Variants in RCBTB2 observed in about 807,000 individuals in gnomAD.
RCBTB2 encodes the protein RCC1 and BTB domain containing protein 2.
In RCBTB2, 55 loss-of-function variants were observed where a neutral mutation model predicts 65.4. The ratio of observed to expected loss-of-function variants is 0.84; its 90% CI spans 0.68 to 1.05. The LOEUF is 1.05. RCBTB2 is among the 50% of genes least tolerant of loss of function. The pLI is 0.00. For missense variants in RCBTB2, 599 were observed against 680.1 expected (o/e 0.88, Z 1.33); for synonymous variants, 220 against 255.2 (o/e 0.86, Z 1.31).
chr13:48,515,581 A>G lies in RCBTB2; in HGVS notation c.198+5T>C, dbSNP rs1418186359. 1 of 1,583,704 alleles carries G rather than the reference A, an allele frequency of 6.3e-7. No individual in the cohort carries two copies. Among genetic ancestry groups the G allele is most frequent in the African/African-American group, 1.4e-5 (1 of 73,208 alleles). ...GAGTAGCTGATTTATTTTCTTCAAA[A>G]TTACCTCATCATTTACTGTAGTGTA... On this transcript the variant is annotated splice_donor_5th_base_variant and intron_variant, in intron 5 of 14. Transcript: ENST00000344532.
At chr13:48,514,714 T>C (rs1205816025) in intron 6 of RCBTB2, among the ~76,000 whole-genome samples, 17 of 152,200 alleles carry the variant, frequency 1.1e-4, no homozygotes, top group Admixed American at 1.1e-3. Context: ...GGTTACAACC[T>C]TTTGGGGAGA....
chr13:48,501,816 G>A lies in RCBTB2; in HGVS notation c.1170C>T (p.Asn390=), dbSNP rs1950249050. The A allele has an allele frequency of 8.7e-6, 14 of 1,613,548 alleles. No homozygotes were observed. The highest frequency in any genetic ancestry group is 1.6e-4 in the Middle Eastern group (1 of 6,084). ...GAAACTTCAGGTCTGCAGTGTCCGG[G>A]TTGTCAAATTCCCTCTTCAGTGACT... ...VAESLKREFD[N]PDTADLKFLV... Residue 390 remains asparagine (N), a synonymous_variant, in exon 12 of 15, where the codon AAC becomes AAT. Transcript: ENST00000344532.
chr13:48,504,257 A>G, intron 10 of RCBTB2: 1 of 985,378 alleles, frequency 1.0e-6, no homozygotes, highest in Non-Finnish European at 1.2e-6. Flanking sequence ...TCCTCTTGGA[A>G]CACCGTTCTC....
At chr13:48,526,086 G>A (rs1296251635) in intron 1 of RCBTB2, among the ~76,000 whole-genome samples, 1 of 152,128 alleles carries the variant, frequency 6.6e-6, no homozygotes, top group Admixed American at 6.5e-5. Context: ...ATCATCTCAG[G>A]ATGGAGAGAT....
At chr13:48,529,889 A>ATATT (rs1201923008) in intron 1 of RCBTB2, among the ~76,000 whole-genome samples, 1 of 151,960 alleles carries the variant, frequency 6.6e-6, no homozygotes, top group African/African-American at 2.4e-5. Context: ...ATCTGTAGCA[A>ATATT]TATTTATTTA....
chr13:48,493,324 CTCTCT>C, intron 14 of RCBTB2, among the ~76,000 whole-genome samples: 1 of 125,712 alleles, frequency 8.0e-6, no homozygotes, highest in African/African-American at 4.2e-5. Context: ...CACTCTCTCT[CTCTCT>C]CTCTCTCTCT....
intron 14 of RCBTB2, among the ~76,000 whole-genome samples, chr13:48,493,315 A>ACTCTCTCCCTCTCTCTCTCTCTCTCT (rs1555297880): frequency 1.3e-5 from 1 of 75,028 alleles, no homozygotes; most frequent in Non-Finnish European, 2.5e-5. Context: ...ACACACACAC[A>ACTCTCTCCCTCTCTCTCTCTCTCTCT]CTCTCTCTCT....
At chr13:48,529,206 T>C (rs1033334942) in intron 1 of RCBTB2, among the ~76,000 whole-genome samples, 1 of 152,222 alleles carries the variant, frequency 6.6e-6, no homozygotes, top group African/African-American at 2.4e-5. Flanking sequence ...ATCTCATTTG[T>C]AAATCCATTT....
chr13:48,502,135 A>T (rs1378078308), intron 11 of RCBTB2, among the ~76,000 whole-genome samples: 1 of 151,992 alleles, frequency 6.6e-6, no homozygotes, highest in Admixed American at 6.5e-5. Context: ...TGAAATTTTA[A>T]ACATTTGAGT....
At chr13:48,513,857 C>A (rs534347883) in intron 6 of RCBTB2, among the ~76,000 whole-genome samples, 4 of 152,298 alleles carry the variant, frequency 2.6e-5, no homozygotes, top group African/African-American at 9.6e-5. Context: ...AGCAAGCCCC[C>A]CTTATCTGCA....
chr13:48,498,339 T>C (rs1470980875), intron 13 of RCBTB2, among the ~76,000 whole-genome samples: 1 of 152,238 alleles, frequency 6.6e-6, no homozygotes, highest in Non-Finnish European at 1.5e-5. Flanking sequence ...GTTCACTAGC[T>C]TGACATATAA....
intron 6 of RCBTB2, among the ~76,000 whole-genome samples, chr13:48,513,400 T>C (rs1314592281): frequency 6.6e-6 from 1 of 152,218 alleles, no homozygotes; most frequent in East Asian, 1.9e-4. Context: ...TATAACCTTA[T>C]AATCACCCCC....
intron 4 of RCBTB2, among the ~76,000 whole-genome samples, chr13:48,516,649 C>A (rs1278408943): frequency 6.6e-6 from 1 of 152,258 alleles, no homozygotes; most frequent in East Asian, 1.9e-4. Context: ...CTGCATTGAC[C>A]CCATTTCCAA....
rs1376786557 is a variant in RCBTB2, at chr13:48,525,438, A to G, written c.-218-681T>C. Among the ~76,000 whole-genome samples, 7 of 145,122 alleles carry G rather than the reference A, an allele frequency of 4.8e-5. No individual in the cohort carries two copies. The South Asian group carries it at 1.3e-3, about 27-fold the overall frequency. Reference sequence around the variant, plus strand: ...TATATATTCAGTTATATATGTATATATAACTGAAATTTCACAAAATAATTC... The same window carrying G: ...TATATATTCAGTTATATATGTATATGTAACTGAAATTTCACAAAATAATTC... On this transcript the variant is annotated intron_variant, in intron 1 of 14. Transcript: ENST00000344532.
rs1231668278 is a variant in RCBTB2, at chr13:48,489,651, T to C, written c.*460A>G. 1 of 156,452 alleles carries C rather than the reference T, an allele frequency of 6.4e-6. No individual in the cohort carries two copies. Among genetic ancestry groups the C allele is most frequent in the African/African-American group, 2.4e-5 (1 of 41,482 alleles). The allele number at this position is 156,452 out of a possible 1,614,324, so 9.7% of individuals were successfully genotyped here. On this transcript the variant is annotated 3_prime_UTR_variant, in exon 15 of 15. Transcript: ENST00000344532. ...CAGTATTCCATGACTAAAGCTGTTC[T>C]CAGGACATACTGAAGATTTATAATA...
chr13:48,493,298 C>T (rs1389050296), intron 14 of RCBTB2, among the ~76,000 whole-genome samples: 1 of 78,706 alleles, frequency 1.3e-5, no homozygotes, highest in Non-Finnish European at 2.5e-5. Flanking sequence ...TCCACACACA[C>T]ACACACACAC....
intron 6 of RCBTB2, 79 bp downstream of exon 6, chr13:48,515,126 C>A: frequency 7.7e-7 from 1 of 1,293,146 alleles, no homozygotes; most frequent in Non-Finnish European, 1.1e-6. Context: ...GAAGAGCTAG[C>A]AACTCTCAAC....
intron 1 of RCBTB2, among the ~76,000 whole-genome samples, chr13:48,531,176 C>T (rs1295996169): frequency 6.6e-6 from 1 of 152,156 alleles, no homozygotes; most frequent in Non-Finnish European, 1.5e-5. Context: ...ATCTTTGTCT[C>T]TTTTGTTCAT....
rs140643232 is a variant in RCBTB2, at chr13:48,502,779, G to C, written c.1062C>G (p.Asp354Glu). The change falls in exon 11 of 15, where the codon GAC (aspartate) becomes GAG (glutamate). Residue 354 changes from aspartate (D) to glutamate (E), a missense_variant. Transcript: ENST00000344532. ...GCGTGGCAAAGCAGGCAAACACGTCGTCAGTGCAGGAGAAGTGGGTGAGGT... is the reference window on the plus strand; with the variant it reads ...GCGTGGCAAAGCAGGCAAACACGTCCTCAGTGCAGGAGAAGTGGGTGAGGT... ...LPHLTHFSCT[D>E]DVFACFATPA... The C allele has an allele frequency of 3.7e-5, 60 of 1,613,816 alleles. No individual in the cohort carries two copies. Among genetic ancestry groups the C allele is most frequent in the Non-Finnish European group, 4.9e-5 (58 of 1,179,868 alleles).
Sources: gnomAD v4.1 joint callset for allele counts (sites outside exome capture counted in the v4.1 genomes callset) on GRCh38, gnomAD v4.1.1 for gene constraint, MANE v1.5 for transcripts, NCBI Gene and HGNC (gene_info 2026-07-23, HGNC 2026-07-21) for gene names.